The following ACO1 variants were observed in gnomAD, a reference collection of about 807,000 sequenced individuals.
ACO1 encodes the protein aconitase 1, also known as cytoplasmic aconitate hydratase.
A neutral mutation model predicts 105.1 loss-of-function variants in ACO1; 78 were observed. That is an observed-to-expected ratio of 0.74 (90% CI 0.62 to 0.90). ACO1 has a LOEUF of 0.90. Among genes scored for constraint, ACO1 ranks in the 40% least tolerant of loss-of-function variants. The pLI is 0.00. For synonymous variants in ACO1, 364 were observed against 397.4 expected (o/e 0.92, Z 1.00); for missense variants, 965 against 1,111.1 (o/e 0.87, Z 1.87).
At chr9:32,404,506 A>G (rs745769938) in intron 1 of ACO1, among the ~76,000 whole-genome samples, 8 of 152,332 alleles carry the variant, frequency 5.3e-5, no homozygotes, top group African/African-American at 1.2e-4. Context: ...ATAAAAATCT[A>G]GATTACCAGT....
chr9:32,433,903 A>G (rs1321165994), intron 16 of ACO1, 71 bp downstream of exon 16: 2 of 1,232,254 alleles, frequency 1.6e-6, no homozygotes, highest in East Asian at 4.7e-5. Context: ...CTACTTTATT[A>G]CCCCATGCTC....
At chr9:32,391,394 G>T (rs1821264551) in intron 1 of ACO1, among the ~76,000 whole-genome samples, 1 of 152,208 alleles carries the variant, frequency 6.6e-6, no homozygotes, top group South Asian at 2.1e-4. Context: ...ACAGGTTCTT[G>T]TGCCCCTTAA....
At chr9:32,446,809 G>C (rs1232812942) in intron 19 of ACO1, among the ~76,000 whole-genome samples, 1 of 152,162 alleles carries the variant, frequency 6.6e-6, no homozygotes, top group Non-Finnish European at 1.5e-5. Context: ...GCATTTGCTT[G>C]TCTGTAAAGG....
At chr9:32,445,306 T>C (rs1168324576) in intron 19 of ACO1, among the ~76,000 whole-genome samples, 1 of 152,224 alleles carries the variant, frequency 6.6e-6, no homozygotes, top group Non-Finnish European at 1.5e-5. Flanking sequence ...TATTGGTCTA[T>C]TCAGGGATTT....
chr9:32,407,777 A>G (rs1007327223), intron 3 of ACO1, among the ~76,000 whole-genome samples: 3 of 152,158 alleles, frequency 2.0e-5, no homozygotes, highest in African/African-American at 7.2e-5. Context: ...CCCACATTGT[A>G]TTGCCCAGGA....
At chr9:32,421,550 T>TA (rs1206891636) in intron 8 of ACO1, among the ~76,000 whole-genome samples, 1 of 152,108 alleles carries the variant, frequency 6.6e-6, no homozygotes. Context: ...CAGGGATGTC[T>TA]AAAAAATGAA....
intron 1 of ACO1, among the ~76,000 whole-genome samples, chr9:32,389,465 G>A (rs10970952): frequency 0.48 from 73,000 of 151,892 alleles, 18,131 homozygotes; most frequent in Non-Finnish European, 0.55. Context: ...CTTACCTGGT[G>A]GCAGACTCCA....
Position 32,449,057 on chromosome 9 carries a change from A to T in ACO1, c.2532A>T (p.Lys844Asn). ...RYTIIIPENL[K>N]PQMKVQVKLD... Reference sequence around the variant, plus strand: ...CTATCATTATTCCAGAAAACCTCAAACCACAAATGAAAGTCCAGGTCAAGG... The same window carrying T: ...CTATCATTATTCCAGAAAACCTCAATCCACAAATGAAAGTCCAGGTCAAGG... Residue 844 changes from lysine (K) to asparagine (N), a missense_variant, in exon 20 of 21, where the codon AAA (lysine) becomes AAT (asparagine). Transcript: ENST00000309951. The T allele has an allele frequency of 2.5e-6, 4 of 1,608,204 alleles. No individual in the cohort carries two copies. The highest frequency in any genetic ancestry group is 3.4e-6 in the Non-Finnish European group (4 of 1,175,986).
intron 4 of ACO1, among the ~76,000 whole-genome samples, chr9:32,412,911 A>G (rs773951848): frequency 2.0e-5 from 3 of 152,160 alleles, no homozygotes; most frequent in Non-Finnish European, 4.4e-5. Context: ...GTGAAAGTAC[A>G]GGTAGAGACA....
intron 4 of ACO1, among the ~76,000 whole-genome samples, chr9:32,412,285 A>C (rs1439921694): frequency 2.6e-5 from 4 of 152,214 alleles, no homozygotes; most frequent in Admixed American, 2.6e-4. Context: ...GTAGAGTGAC[A>C]TAAGCTACAT....
chr9:32,433,855 A>C, intron 16 of ACO1, 23 bp downstream of exon 16: 1 of 1,533,530 alleles, frequency 6.5e-7, no homozygotes, highest in East Asian at 2.3e-5. Flanking sequence ...ATTTTTTAAC[A>C]AAATGAATTC....
rs970109623 is a variant in ACO1 at position 32,401,853 on chromosome 9, G to A, written c.-22-3632G>A. ...GTTCAGACTGTCCATGCCCACCCCC[G>A]TTCTTGCATGCAGAGTGTACCTGTG... On this transcript the variant is annotated intron_variant, in intron 1 of 20. Transcript: ENST00000309951. Among the ~76,000 whole-genome samples, 8 of 152,264 alleles carry A rather than the reference G, an allele frequency of 5.3e-5. No homozygotes were observed. The South Asian group carries it at 1.7e-3, about 32-fold the overall frequency.
Position 32,418,123 on chromosome 9 carries a change from G to C in ACO1, c.405-5G>C, listed in dbSNP as rs755996483. The stretch of plus-strand genomic sequence containing the variant: ...TTGTATACATTTAATTTTTCTCTCT[G>C]ACAGGGCAGACAGTTTACAGAAGAA... On this transcript the variant is annotated splice_region_variant and splice_polypyrimidine_tract_variant and intron_variant, in intron 4 of 20. Coordinates refer to ENST00000309951, the MANE Select transcript of ACO1 (RefSeq NM_002197.3). 11 of 1,613,698 alleles carry C rather than the reference G, an allele frequency of 6.8e-6. No homozygotes were observed. The highest frequency in any genetic ancestry group is 9.3e-6 in the Non-Finnish European group (11 of 1,179,800).
In ACO1 at chr9:32,423,276, A is replaced by T. The variant is rs143605082; in HGVS notation, c.971-43A>T. 2,293 of 1,192,104 alleles carry T rather than the reference A, an allele frequency of 1.9e-3. 36 individuals are homozygous for T. In the African/African-American group the frequency reaches 0.033, roughly 17 times the overall value. The allele number at this position is 1,192,104 out of a possible 1,614,324, so 73.8% of individuals were successfully genotyped here. ...TCAGTTTATAAACTTCAACCAGGAA[A>T]TACTAACCTATGTTACTTGTTACTC... is the stretch of plus-strand genomic sequence containing the variant. On this transcript the variant is annotated intron_variant, in intron 8 of 20. Coordinates refer to ENST00000309951, the MANE Select transcript of ACO1 (RefSeq NM_002197.3).
rs1821670504 is a variant in ACO1, at chr9:32,408,720, A to G, written c.404+69A>G. 4.1e-5 allele frequency: 63 copies of G among 1,555,118 alleles called. 1 individual carries two copies. The South Asian group carries it at 7.2e-4, about 18-fold the overall frequency. ...AATCTTTGAACACGAATCTTTTTAA[A>G]ATGTGTATATGTAGTTAAAGAAGAA... On this transcript the variant is annotated intron_variant, in intron 4 of 20. Coordinates refer to ENST00000309951, the MANE Select transcript of ACO1 (RefSeq NM_002197.3).
At chr9:32,416,511 T>C (rs1041540309) in intron 4 of ACO1, among the ~76,000 whole-genome samples, 3 of 152,152 alleles carry the variant, frequency 2.0e-5, no homozygotes, top group Admixed American at 6.5e-5. Flanking sequence ...ATTGATACCA[T>C]GTCCTTCTGG....
At chr9:32,400,819 T>A (rs1207472514) in intron 1 of ACO1, among the ~76,000 whole-genome samples, 1 of 152,254 alleles carries the variant, frequency 6.6e-6, no homozygotes, top group Non-Finnish European at 1.5e-5. Flanking sequence ...CATAGAAAGC[T>A]AAAGTCTCCC....
chr9:32,431,676 G>C, intron 14 of ACO1, 43 bp from the exon 15 acceptor site: 1 of 1,609,384 alleles, frequency 6.2e-7, no homozygotes, highest in Non-Finnish European at 8.5e-7. Flanking sequence ...CATGAAAATT[G>C]CATATTAGAA....
At chr9:32,446,621 T>G (rs1164050983) in intron 19 of ACO1, among the ~76,000 whole-genome samples, 1 of 152,254 alleles carries the variant, frequency 6.6e-6, no homozygotes, top group East Asian at 1.9e-4. Context: ...AATTGGATCC[T>G]GTCATTATGC....
Sources: allele counts gnomAD v4.1 joint callset (sites outside exome capture counted in the v4.1 genomes callset), GRCh38; gene constraint gnomAD v4.1.1; transcripts MANE v1.5; gene names NCBI Gene and HGNC (gene_info 2026-07-23, HGNC 2026-07-21).